Variants in CAD observed in about 807,000 individuals in gnomAD.
The protein encoded by CAD is carbamoyl-phosphate synthetase 2, aspartate transcarbamylase, and dihydroorotase.
A neutral mutation model predicts 237.2 loss-of-function variants in CAD; 81 were observed. The ratio of observed to expected loss-of-function variants is 0.34; its 90% CI spans 0.29 to 0.41. The LOEUF is 0.41. Among genes scored for constraint, CAD ranks in the 10% least tolerant of loss-of-function variants. The probability of loss-of-function intolerance (pLI) is 1.00; values close to 1 mark genes in which losing one functional copy is unlikely to be tolerated. For missense variants in CAD, 2,181 were observed against 2,951.7 expected (o/e 0.74, Z 6.05); for synonymous variants, 1,196 against 1,162.8 (o/e 1.03, Z -0.58).
At chr2:27,217,673 T>C in intron 1 of CAD, 40 bp downstream of exon 1, 1 of 1,524,698 alleles carries the variant, frequency 6.6e-7, no homozygotes. Context: ...TATCCCACTC[T>C]GTGATGCGCC....
Position 27,241,018 on chromosome 2 carries a change from A to T in CAD, c.5639-40A>T. The T allele has an allele frequency of 6.2e-7, 1 of 1,613,422 alleles. No homozygotes were observed. The highest frequency in any genetic ancestry group is 8.5e-7 in the Non-Finnish European group (1 of 1,179,698). On this transcript the variant is annotated intron_variant, in intron 36 of 43. Coordinates refer to ENST00000264705, the MANE Select transcript of CAD (RefSeq NM_004341.5). The surrounding 1 kb of genome is among the most constrained non-coding windows in gnomAD (Gnocchi z 4.6). Reference sequence around the variant, plus strand: ...CTCTGATCTGGCCTTGGTAGGAGGAACCCTCTGACCAGCCTTTTCTGCCCC... The same window carrying T: ...CTCTGATCTGGCCTTGGTAGGAGGATCCCTCTGACCAGCCTTTTCTGCCCC...
Position 27,232,070 on chromosome 2 carries a change from C to A in CAD, c.2491C>A (p.Arg831Ser). The A allele has an allele frequency of 6.2e-7, 1 of 1,614,242 alleles. No homozygotes were observed. The highest frequency in any genetic ancestry group is 8.5e-7 in the Non-Finnish European group (1 of 1,180,052). ...YSVDRLYELT[R>S]IDRWFLHRMK... ...AGTGGACCGCCTGTATGAGCTCACA[C>A]GCATCGACCGCTGGTTCCTGCACCG... Residue 831 changes from arginine (R) to serine (S), a missense_variant, in exon 17 of 44, where the codon CGC becomes AGC. Around this residue, in one of 12 missense-constraint regions of CAD, gnomAD observed 385 missense variants for 535.1 expected, o/e 0.72. Transcript: ENST00000264705. This position sits in a 1 kb window ranked among gnomAD's most constrained non-coding sequence, Gnocchi z 4.1.
intron 3 of CAD, among the ~76,000 whole-genome samples, chr2:27,221,985 A>G (rs1675194239): frequency 6.7e-6 from 1 of 150,044 alleles, no homozygotes. Flanking sequence ...CTATAAATGG[A>G]TAGATTTAGA....
Position 27,217,916 on chromosome 2 carries a change from C to G in CAD, c.122C>G (p.Thr41Ser), listed in dbSNP as rs778090775. 1 of 1,612,220 alleles carries G rather than the reference C, an allele frequency of 6.2e-7. No individual in the cohort carries two copies. Among genetic ancestry groups the G allele is most frequent in the South Asian group, 1.1e-5 (1 of 90,848 alleles). ...ATGGTCGGCTACCCCGAGGCCCTCA[C>G]TGATCCCTCCTACAAGGCACAGATC... ...TGMVGYPEALTDPSYKAQILV... is the reference protein window; with the variant it reads ...TGMVGYPEALSDPSYKAQILV... The change falls in exon 2 of 44, where the codon ACT becomes AGT. Residue 41 changes from threonine (T) to serine (S), a missense_variant. Coordinates refer to ENST00000264705, the MANE Select transcript of CAD (RefSeq NM_004341.5).
chr2:27,233,554 G>C lies in CAD; in HGVS notation c.3216+18G>C, dbSNP rs1023056240. 1 of 1,613,872 alleles carries C rather than the reference G, an allele frequency of 6.2e-7. No homozygotes were observed. Among genetic ancestry groups the C allele is most frequent in the Non-Finnish European group, 8.5e-7 (1 of 1,179,768 alleles). On this transcript the variant is annotated intron_variant, in intron 20 of 43. Transcript: ENST00000264705. The surrounding 1 kb of genome is among the most constrained non-coding windows in gnomAD (Gnocchi z 6.3). The stretch of plus-strand genomic sequence containing the variant: ...ACCTCGAGGTGGGCTGGGACCTGGT[G>C]GGTTACCCGGAGGCTGGATGATGCT...
In CAD at chr2:27,241,096, C is replaced by G; in HGVS notation, c.5677C>G (p.Pro1893Ala). The change falls in exon 37 of 44, where the codon CCA becomes GCA. Residue 1893 changes from proline (P) to alanine (A), a missense_variant. Around this residue, in one of 12 missense-constraint regions of CAD, gnomAD observed 203 missense variants for 284.5 expected, o/e 0.71. Coordinates refer to ENST00000264705, the MANE Select transcript of CAD (RefSeq NM_004341.5). The surrounding 1 kb of genome is among the most constrained non-coding windows in gnomAD (Gnocchi z 4.6). ...GTPDGTCYPP[P>A]PVPRQASPQN... ...CCCTGATGGCACCTGCTACCCTCCA[C>G]CACCAGTACCGAGACAGGCATCTCC... The G allele has an allele frequency of 6.2e-7, 1 of 1,609,258 alleles. No individual in the cohort carries two copies. Among genetic ancestry groups the G allele is most frequent in the Non-Finnish European group, 8.5e-7 (1 of 1,177,828 alleles).
Position 27,222,314 on chromosome 2 carries a change from T to A in CAD, c.473T>A (p.Leu158Gln). The change falls in exon 4 of 44, where the codon CTG (leucine) becomes CAG (glutamine). Residue 158 changes from leucine to glutamine, a missense_variant. Leu to Gln is a moderately radical substitution (Grantham distance 113, BLOSUM62 -2). Transcript: ENST00000264705. ...LPFLDPNARPLVPEVSIKTPR... is the reference protein window; with the variant it reads ...LPFLDPNARPQVPEVSIKTPR... ...TTCTTGGACCCCAATGCCCGCCCCC[T>A]GGTACCAGAGGTCTCCATTAAGGTA... 3.7e-6 allele frequency: 6 copies of A among 1,612,872 alleles called. No individual in the cohort carries two copies. The East Asian group carries it at 1.3e-4, about 36-fold the overall frequency.
chr2:27,226,814 C>G lies in CAD; in HGVS notation c.2157-18C>G, dbSNP rs758311207. ...CTTCCTTCACTGTCCTTCTGGCATC[C>G]CACCTGCTGGACCCCAGGAACTCTG... On this transcript the variant is annotated intron_variant, in intron 14 of 43. Coordinates refer to ENST00000264705, the MANE Select transcript of CAD (RefSeq NM_004341.5). 1.9e-6 allele frequency: 3 copies of G among 1,613,624 alleles called. No individual in the cohort carries two copies. Among genetic ancestry groups the G allele is most frequent in the South Asian group, 2.2e-5 (2 of 91,046 alleles).
In CAD at chr2:27,233,855, C is replaced by T. The variant is rs930076652; in HGVS notation, c.3399+47C>T. 5.0e-6 allele frequency: 8 copies of T among 1,598,260 alleles called. No individual in the cohort carries two copies. In the African/African-American group the frequency reaches 8.0e-5, roughly 16 times the overall value. ...AGTCTCTGAGGGCATGCTGCCAGCC[C>T]TGGAGGAGACTTCCTTCTCTGGTCC... On this transcript the variant is annotated intron_variant, in intron 21 of 43. Coordinates refer to ENST00000264705, the MANE Select transcript of CAD (RefSeq NM_004341.5). The surrounding 1 kb of genome is among the most constrained non-coding windows in gnomAD (Gnocchi z 6.3).
chr2:27,223,508 C>T, intron 6 of CAD, 55 bp from the exon 7 acceptor site: 1 of 1,506,056 alleles, frequency 6.6e-7, no homozygotes, highest in Non-Finnish European at 9.2e-7. Context: ...GGGGTAGGTT[C>T]AGTAGTGAAG....
In CAD at chr2:27,237,358, G is replaced by T; in HGVS notation, c.4397-21G>T. On this transcript the variant is annotated intron_variant, in intron 27 of 43. Transcript: ENST00000264705. The surrounding 1 kb of genome is among the most constrained non-coding windows in gnomAD (Gnocchi z 4.0). ...TATTTCTGAATCTTCCTGTAATCTT[G>T]CTGCTTCCATTTTCTCCCAGGATTG... 1.2e-6 allele frequency: 2 copies of T among 1,612,344 alleles called. No individual in the cohort carries two copies. Among genetic ancestry groups the T allele is most frequent in the Non-Finnish European group, 1.7e-6 (2 of 1,178,662 alleles).
In CAD at chr2:27,235,452, C is replaced by T. The variant is rs748785765; in HGVS notation, c.3969+25C>T. 32 of 1,607,620 alleles carry T rather than the reference C, an allele frequency of 2.0e-5. No individual in the cohort carries two copies. The highest frequency in any genetic ancestry group is 9.4e-5 in the African/African-American group (7 of 74,740). ...GGTATCAGAATCCAGGAGGGCTTCCCGAGGGCCGTGGCTCCCTGGGCCAGG... is the reference window on the plus strand; with the variant it reads ...GGTATCAGAATCCAGGAGGGCTTCCTGAGGGCCGTGGCTCCCTGGGCCAGG... On this transcript the variant is annotated intron_variant, in intron 24 of 43. Transcript: ENST00000264705. This position sits in a 1 kb window ranked among gnomAD's most constrained non-coding sequence, Gnocchi z 5.2.
In CAD at chr2:27,239,615, CT is replaced by C; in HGVS notation, c.5395-77del. ...TTGGGGGCACAGCTCCCCCAAGGTG[CT>C]TTTTGTCCTTGCTGACATCTACCCC... On this transcript the variant is annotated intron_variant, in intron 33 of 43. Coordinates refer to ENST00000264705, the MANE Select transcript of CAD (RefSeq NM_004341.5). This position sits in a 1 kb window ranked among gnomAD's most constrained non-coding sequence, Gnocchi z 4.0. 6.8e-7 allele frequency: 1 copy of C among 1,481,170 alleles called. No individual in the cohort carries two copies. The highest frequency in any genetic ancestry group is 9.3e-7 in the Non-Finnish European group (1 of 1,079,706). 91.8% of individuals were successfully genotyped at this position (1,481,170 alleles called of 1,614,324 possible).
intron 6 of CAD, 40 bp from the exon 7 acceptor site, chr2:27,223,523 G>C: frequency 6.3e-7 from 1 of 1,589,098 alleles, no homozygotes; most frequent in Middle Eastern, 2.3e-4. Context: ...GTGAAGAGAG[G>C]GTGAGCAGGG....
chr2:27,221,695 A>G (rs1468710773), intron 3 of CAD, among the ~76,000 whole-genome samples: 1 of 151,476 alleles, frequency 6.6e-6, no homozygotes, highest in Admixed American at 6.6e-5. Context: ...AACGTCATAC[A>G]CTAAAAAAAT....
chr2:27,235,500 G>A lies in CAD; in HGVS notation c.3970-36G>A, dbSNP rs1338564667. ...AGGGCTGACCTTGAAATGGAAGACA[G>A]GAAGAAAACAATTTCATCCTTCTGT... On this transcript the variant is annotated intron_variant, in intron 24 of 43. Coordinates refer to ENST00000264705, the MANE Select transcript of CAD (RefSeq NM_004341.5). The surrounding 1 kb of genome is among the most constrained non-coding windows in gnomAD (Gnocchi z 5.2). 1 of 1,613,192 alleles carries A rather than the reference G, an allele frequency of 6.2e-7. No homozygotes were observed. The highest frequency in any genetic ancestry group is 8.5e-7 in the Non-Finnish European group (1 of 1,179,294).
chr2:27,219,626 T>C (rs2148054353), intron 2 of CAD, among the ~76,000 whole-genome samples: 1 of 152,284 alleles, frequency 6.6e-6, no homozygotes, highest in Non-Finnish European at 1.5e-5. Context: ...GTTTCTTTCT[T>C]GTTGCTCAGG....
Position 27,233,728 on chromosome 2 carries a change from C to A in CAD, c.3319C>A (p.Leu1107Met), listed in dbSNP as rs1675873967. 6.2e-7 allele frequency: 1 copy of A among 1,614,004 alleles called. No homozygotes were observed. Among genetic ancestry groups the A allele is most frequent in the Non-Finnish European group, 8.5e-7 (1 of 1,180,050 alleles). ...GAATGTGGCCTACACGGATGGAGAC[C>A]TGGAGCGCTTCCTGAGCAGCGCAGC... ...AMNVAYTDGD[L>M]ERFLSSAAAV... is the part of the protein sequence containing the mutation. Residue 1107 changes from leucine (L) to methionine (M), a missense_variant, in exon 21 of 44, where the codon CTG becomes ATG. By Grantham distance (15) the Leu-to-Met change is conservative (BLOSUM62 2). Around this residue, in one of 12 missense-constraint regions of CAD, gnomAD observed 306 missense variants for 607.9 expected, o/e 0.50. Coordinates refer to ENST00000264705, the MANE Select transcript of CAD (RefSeq NM_004341.5). The surrounding 1 kb of genome is among the most constrained non-coding windows in gnomAD (Gnocchi z 6.3).
chr2:27,231,080 A>G (rs895354807), intron 15 of CAD, among the ~76,000 whole-genome samples: 3 of 152,204 alleles, frequency 2.0e-5, no homozygotes, highest in Non-Finnish European at 4.4e-5. Flanking sequence ...ATCGCTGCTC[A>G]CTGCAAGCTC....
Sources: allele counts gnomAD v4.1 joint callset (sites outside exome capture counted in the v4.1 genomes callset), GRCh38; gene constraint gnomAD v4.1.1; regional missense constraint gnomAD v4.1.1; non-coding constraint Gnocchi (gnomAD v3.1); transcripts MANE v1.5; gene names NCBI Gene and HGNC (gene_info 2026-07-23, HGNC 2026-07-21).